Variants in TBC1D5 observed in about 807,000 individuals in gnomAD.
The protein encoded by TBC1D5 is TBC1 domain family member 5.
Under a neutral mutation model 100.3 loss-of-function variants are expected in TBC1D5, and 75 were observed. The observed-to-expected ratio is 0.75, with a 90% CI of 0.62 to 0.91. The LOEUF is 0.91. Among genes scored for constraint, TBC1D5 ranks in the 40% least tolerant of loss-of-function variants. The probability of loss-of-function intolerance (pLI) is 0.00; values close to 1 mark genes in which losing one functional copy is unlikely to be tolerated. For synonymous variants in TBC1D5, 323 were observed against 325.6 expected, an observed-to-expected ratio of 0.99 and a Z score of 0.09; for missense variants, 910 against 942.4, an observed-to-expected ratio of 0.97 and a Z score of 0.45.
chr3:17,675,373 A>T (rs1041348898), intron 1 of TBC1D5, among the ~76,000 whole-genome samples: 1 of 152,108 alleles, frequency 6.6e-6, no homozygotes, highest in African/African-American at 2.4e-5. Flanking sequence ...ACTCCATTTG[A>T]GCCATTCATT....
intron 16 of TBC1D5, among the ~76,000 whole-genome samples, chr3:17,255,896 C>T (rs551114104): frequency 5.3e-5 from 8 of 152,112 alleles, no homozygotes; most frequent in South Asian, 4.1e-4. Flanking sequence ...ATTAGCCAGG[C>T]GTGGCAGCGT....
At chr3:17,537,411 C>A (rs1243823265) in intron 2 of TBC1D5, among the ~76,000 whole-genome samples, 2 of 152,176 alleles carry the variant, frequency 1.3e-5, no homozygotes, top group African/African-American at 2.4e-5. Context: ...TAACAAGGCA[C>A]GTCCAGCCTC....
chr3:17,269,477 T>A (rs1410379502), intron 15 of TBC1D5, among the ~76,000 whole-genome samples: 1 of 152,170 alleles, frequency 6.6e-6, no homozygotes, highest in South Asian at 2.1e-4. Context: ...AGAAATTGAC[T>A]ATTTCTTCTT....
At chr3:17,532,844 A>C (rs2096244386) in intron 2 of TBC1D5, among the ~76,000 whole-genome samples, 1 of 107,256 alleles carries the variant, frequency 9.3e-6, no homozygotes, top group Non-Finnish European at 2.0e-5. Context: ...TATGGGGTGG[A>C]GGGAGGGGGG....
chr3:17,210,987 T>C (rs2072912407), intron 18 of TBC1D5, among the ~76,000 whole-genome samples: 1 of 152,208 alleles, frequency 6.6e-6, no homozygotes, highest in South Asian at 2.1e-4. Flanking sequence ...AGAAAAAATA[T>C]AACATTTAGA....
At chr3:17,381,619 G>A (rs180680563) in intron 9 of TBC1D5, among the ~76,000 whole-genome samples, 72 of 152,068 alleles carry the variant, frequency 4.7e-4, no homozygotes, top group Admixed American at 1.6e-3. Flanking sequence ...CATTTTAAAC[G>A]GGGTCTTCTG....
chr3:17,635,089 T>C (rs2063795328), intron 1 of TBC1D5, among the ~76,000 whole-genome samples: 1 of 152,204 alleles, frequency 6.6e-6, no homozygotes, highest in Non-Finnish European at 1.5e-5. Context: ...AATGATCAAG[T>C]AGAAAATGTA....
intron 1 of TBC1D5, among the ~76,000 whole-genome samples, chr3:17,737,469 G>A (rs906356910): frequency 2.6e-5 from 4 of 152,178 alleles, no homozygotes; most frequent in African/African-American, 9.7e-5. Flanking sequence ...TCTCAACAGT[G>A]CAGATAATTA....
intron 13 of TBC1D5, among the ~76,000 whole-genome samples, chr3:17,330,103 C>A (rs886084128): frequency 6.6e-6 from 1 of 152,134 alleles, no homozygotes; most frequent in Non-Finnish European, 1.5e-5. Context: ...GTTGCCCCAT[C>A]ACATTTTATT....
chr3:17,204,346 G>A (rs1349442910), intron 18 of TBC1D5, among the ~76,000 whole-genome samples: 1 of 152,182 alleles, frequency 6.6e-6, no homozygotes, highest in Non-Finnish European at 1.5e-5. Context: ...CTGTCCCCAA[G>A]GCAATGTGGC....
chr3:17,275,712 C>G (rs1374777045), intron 15 of TBC1D5, among the ~76,000 whole-genome samples: 1 of 152,114 alleles, frequency 6.6e-6, no homozygotes, highest in Non-Finnish European at 1.5e-5. Flanking sequence ...AAGGGGTCTG[C>G]CAAGGAGGCA....
chr3:17,408,647 T>A (rs959906094), intron 4 of TBC1D5, among the ~76,000 whole-genome samples: 1 of 152,164 alleles, frequency 6.6e-6, no homozygotes, highest in Admixed American at 6.6e-5. Context: ...TTAATATTTT[T>A]GTTAATAATA....
At chr3:17,668,839 G>A (rs760816221) in intron 1 of TBC1D5, among the ~76,000 whole-genome samples, 2 of 152,086 alleles carry the variant, frequency 1.3e-5, no homozygotes, top group South Asian at 2.1e-4. Flanking sequence ...TGTGGCTTAC[G>A]AAGTTCCACA....
intron 2 of TBC1D5, among the ~76,000 whole-genome samples, chr3:17,576,201 A>G (rs748904817): frequency 5.9e-5 from 9 of 152,066 alleles, no homozygotes; most frequent in Non-Finnish European, 1.0e-4. Context: ...ATTGCTTTTA[A>G]ATTGATCTCT....
At chr3:17,651,100 G>GT (rs2065507650) in intron 1 of TBC1D5, among the ~76,000 whole-genome samples, 1 of 152,022 alleles carries the variant, frequency 6.6e-6, no homozygotes, top group African/African-American at 2.4e-5. Flanking sequence ...CTTAGCTAAA[G>GT]TTGTTATTCA....
At chr3:17,512,362 A>G (rs2095920743) in intron 2 of TBC1D5, among the ~76,000 whole-genome samples, 1 of 152,076 alleles carries the variant, frequency 6.6e-6, no homozygotes, top group Non-Finnish European at 1.5e-5. Context: ...CATAAACATA[A>G]CACTTACAAT....
chr3:17,505,362 G>A (rs2095834187), intron 3 of TBC1D5, among the ~76,000 whole-genome samples: 1 of 152,058 alleles, frequency 6.6e-6, no homozygotes, highest in Non-Finnish European at 1.5e-5. Flanking sequence ...CTCCCCCTTT[G>A]CCTTTTGCCA....
chr3:17,577,464 A>G (rs888802153), intron 2 of TBC1D5, among the ~76,000 whole-genome samples: 2 of 151,910 alleles, frequency 1.3e-5, no homozygotes, highest in African/African-American at 4.8e-5. Flanking sequence ...ACTGTCTTCA[A>G]CTCATCTTAA....
chr3:17,453,185 T>C (rs190619554), intron 3 of TBC1D5, among the ~76,000 whole-genome samples: 5 of 151,290 alleles, frequency 3.3e-5, no homozygotes, highest in Admixed American at 3.3e-4. Context: ...GGGAAATTTA[T>C]AGCTGTAAGT....
Sources: allele counts gnomAD v4.1 joint callset (sites outside exome capture counted in the v4.1 genomes callset), GRCh38; gene constraint gnomAD v4.1.1; transcripts MANE v1.5; gene names NCBI Gene and HGNC (gene_info 2026-07-23, HGNC 2026-07-21).